MAX: variants seen among roughly 807,000 people sequenced by gnomAD.
MAX encodes the protein protein max.
In MAX, 3 loss-of-function variants were observed where a neutral mutation model predicts 22.3. The ratio of observed to expected loss-of-function variants is 0.13; its 90% CI spans 0.06 to 0.35. The LOEUF (loss-of-function observed/expected upper bound fraction) is 0.35. MAX is among the 10% of genes least tolerant of loss of function. The pLI, the probability that MAX is intolerant of heterozygous loss-of-function variation, is 1.00. For synonymous variants in MAX, 72 were observed against 77.7 expected, an observed-to-expected ratio of 0.93 and a Z score of 0.39; for missense variants, 119 against 209.4, an observed-to-expected ratio of 0.57 and a Z score of 2.66.
chr14:65,101,990 C>A (rs953340665), intron 1 of MAX, among the ~76,000 whole-genome samples: 1 of 152,178 alleles, frequency 6.6e-6, no homozygotes, highest in South Asian at 2.1e-4. Context: ...GGATCCCGGG[C>A]GCCCCCCATC....
chr14:65,066,455 C>A (rs2062931166), intron 3 of MAX, among the ~76,000 whole-genome samples: 1 of 152,220 alleles, frequency 6.6e-6, no homozygotes, highest in Non-Finnish European at 1.5e-5. Context: ...AAGAACAAAA[C>A]CAGGCAGGGC....
rs182233031 is a variant in MAX, at chr14:65,031,955, T to C, written c.172-25671A>G. On this transcript the variant is annotated intron_variant, in intron 3 of 3. Coordinates refer to the MAX transcript ENST00000341653. This position sits in a 1 kb window ranked among gnomAD's most constrained non-coding sequence, Gnocchi z 4.6. ...CAAAACAAAAGCAAAACAAAAAATA[T>C]AGACGTGCGCCTTTTTCATTTAACG... 1.6e-4 allele frequency among the ~76,000 whole-genome samples: 24 copies of C among 150,748 alleles called. No homozygotes were observed. The highest frequency in any genetic ancestry group is 1.5e-3 in the Admixed American group (23 of 15,116).
At chr14:65,006,188 A>G (rs2139486562) in exon 4 of MAX, 2 of 1,572,500 alleles carry the variant, frequency 1.3e-6, no homozygotes, top group Non-Finnish European at 1.7e-6. Context: ...CCATTTCCTT[A>G]AGAAACTTTT....
At chr14:65,098,200 T>G (rs1307407452) in intron 2 of MAX, among the ~76,000 whole-genome samples, 1 of 152,224 alleles carries the variant, frequency 6.6e-6, no homozygotes, top group Admixed American at 6.5e-5. Flanking sequence ...TTGTTATCAC[T>G]GTAAGCATCA....
At chr14:65,071,972 T>C (rs889091657), downstream of MAX, among the ~76,000 whole-genome samples, 1 of 152,252 alleles carries the variant, frequency 6.6e-6, no homozygotes, top group Non-Finnish European at 1.5e-5. The surrounding 1 kb of genome is among the most constrained non-coding windows in gnomAD (Gnocchi z 4.2). Flanking sequence ...TTTGGGGATG[T>C]ATGAGTTAGC....
rs1428257668 is a variant in MAX, at chr14:65,027,799, C to G, written c.172-21515G>C. On this transcript the variant is annotated intron_variant, in intron 3 of 3. Coordinates refer to the MAX transcript ENST00000341653. The surrounding 1 kb of genome is among the most constrained non-coding windows in gnomAD (Gnocchi z 5.7). ...GATGTGAGGTGAGTGGGGTTTTGCA[C>G]AGGCTGCCACATCAGTTGACTCTAG... 6.2e-7 allele frequency: 1 copy of G among 1,613,904 alleles called. No individual in the cohort carries two copies. The highest frequency in any genetic ancestry group is 2.2e-5 in the East Asian group (1 of 44,868).
rs536235832 is a variant in MAX, at chr14:65,102,433, C to G, written c.-94G>C. The G allele has an allele frequency of 6.4e-4, 1,001 of 1,556,186 alleles. 4 individuals are homozygous for G. The African/African-American group carries it at 0.012, about 19-fold the overall frequency. Reference sequence around the variant, plus strand: ...GTCACCGACAACAACAAGCCGAGTCCCCCCCACACACACACTCACTCACTC... The same window carrying G: ...GTCACCGACAACAACAAGCCGAGTCGCCCCCACACACACACTCACTCACTC... On this transcript the variant is annotated 5_prime_UTR_variant, in exon 1 of 5. Coordinates refer to ENST00000358664, the MANE Select transcript of MAX (RefSeq NM_002382.5).
At chr14:65,049,033 A>C (rs2062549783) in intron 3 of MAX, among the ~76,000 whole-genome samples, 1 of 152,054 alleles carries the variant, frequency 6.6e-6, no homozygotes, top group Non-Finnish European at 1.5e-5. Flanking sequence ...AGGCTGAGGC[A>C]GGAGAATCCC....
At chr14:65,068,049 C>T (rs543181161) in intron 3 of MAX, among the ~76,000 whole-genome samples, 41 of 152,248 alleles carry the variant, frequency 2.7e-4, no homozygotes, top group Non-Finnish European at 4.6e-4. Flanking sequence ...TACCCTTCAT[C>T]GCCTGGCTGA....
At chr14:65,070,668 C>T (rs142623047), downstream of MAX, among the ~76,000 whole-genome samples, 60 of 152,336 alleles carry the variant, frequency 3.9e-4, no homozygotes, top group Middle Eastern at 3.4e-3. This position sits in a 1 kb window ranked among gnomAD's most constrained non-coding sequence, Gnocchi z 4.4. Flanking sequence ...CTAGAGCATG[C>T]GGGCCCCTCG....
At position 65,044,566 on chromosome 14, in the gene MAX, T is replaced by G; in HGVS notation, c.172-38282A>C. 7.1e-7 allele frequency: 1 copy of G among 1,413,148 alleles called. No individual in the cohort carries two copies. Among genetic ancestry groups the G allele is most frequent in the Non-Finnish European group, 9.4e-7 (1 of 1,067,242 alleles). The allele number at this position is 1,413,148 out of a possible 1,614,324, so 87.5% of individuals were successfully genotyped here. On this transcript the variant is annotated intron_variant, in intron 3 of 3. Coordinates refer to the MAX transcript ENST00000341653. This position sits in a 1 kb window ranked among gnomAD's most constrained non-coding sequence, Gnocchi z 5.5. ...AGCTCTGTCTATCCTGGATTTTGAG[T>G]GCCCAGTGTGGAACCTCATGCCGTG...
In MAX at chr14:65,027,344, C is replaced by T; in HGVS notation, c.172-21060G>A. The T allele has an allele frequency of 6.6e-7, 1 of 1,524,526 alleles. No individual in the cohort carries two copies. The highest frequency in any genetic ancestry group is 8.9e-7 in the Non-Finnish European group (1 of 1,129,714). The allele number at this position is 1,524,526 out of a possible 1,614,324, so 94.4% of individuals were successfully genotyped here. The stretch of plus-strand genomic sequence containing the variant: ...AAGTGGGAGGAGAGGTTCCCCTCAA[C>T]TTTTGAGGGAGTGGGGGATCATTGG... On this transcript the variant is annotated intron_variant, in intron 3 of 3. Coordinates refer to the MAX transcript ENST00000341653. This position sits in a 1 kb window ranked among gnomAD's most constrained non-coding sequence, Gnocchi z 5.7.
intron 3 of MAX, among the ~76,000 whole-genome samples, chr14:65,067,334 TAATG>T (rs769930074): frequency 2.0e-5 from 3 of 152,226 alleles, no homozygotes; most frequent in Non-Finnish European, 4.4e-5. Context: ...GCATTTGCCA[TAATG>T]AATGAACCAA....
In MAX at chr14:65,009,228, A is replaced by T. The variant is rs544372387; in HGVS notation, c.172-2944T>A. ...AGATGGGGTGCATTAAACCACAGAG[A>T]TTTATTTTTTCACATTTCTGGAGGC... On this transcript the variant is annotated intron_variant, in intron 3 of 3. Transcript: ENST00000341653. This position sits in a 1 kb window ranked among gnomAD's most constrained non-coding sequence, Gnocchi z 4.2. Among the ~76,000 whole-genome samples, 2 of 152,170 alleles carry T rather than the reference A, an allele frequency of 1.3e-5. No homozygotes were observed. The highest frequency in any genetic ancestry group is 4.1e-4 in the South Asian group (2 of 4,820).
In MAX at chr14:65,069,420, C is replaced by T. The variant is rs929584360; in HGVS notation, c.171+24288G>A. Among the ~76,000 whole-genome samples, 1 of 152,238 alleles carries T rather than the reference C, an allele frequency of 6.6e-6. No individual in the cohort carries two copies. Among genetic ancestry groups the T allele is most frequent in the Non-Finnish European group, 1.5e-5 (1 of 68,042 alleles). On this transcript the variant is annotated intron_variant, in intron 3 of 3. Transcript: ENST00000341653. The surrounding 1 kb of genome is among the most constrained non-coding windows in gnomAD (Gnocchi z 4.6). ...GGGCCCATCTCCTGAACTCCTCTGG[C>T]ATTCAGAGCCCAGACGTGCATTTGT...
At chr14:65,060,956 G>A (rs181098797) in intron 3 of MAX, among the ~76,000 whole-genome samples, 3 of 150,106 alleles carry the variant, frequency 2.0e-5, no homozygotes, top group Admixed American at 1.3e-4. Context: ...GTATTTGCCT[G>A]TATCGTTAAA....
Position 65,085,685 on chromosome 14 carries a change from G to A in MAX, c.172-7649C>T, listed in dbSNP as rs1214811140. On this transcript the variant is annotated intron_variant, in intron 3 of 4. Transcript: ENST00000358664. ...GAGTTCTAAGGGAGGGGCAGTATTT[G>A]ATATTGGCCTCTAAGGCAAGGAGCT... Among the ~76,000 whole-genome samples the A allele has an allele frequency of 4.6e-5, 7 of 152,262 alleles. No homozygotes were observed. The East Asian group carries it at 1.3e-3, about 29-fold the overall frequency.
rs765226463 is a variant in MAX at position 65,027,800 on chromosome 14, A to T, written c.172-21516T>A. On this transcript the variant is annotated intron_variant, in intron 3 of 3. Transcript: ENST00000341653. This position sits in a 1 kb window ranked among gnomAD's most constrained non-coding sequence, Gnocchi z 5.7. ...ATGTGAGGTGAGTGGGGTTTTGCACAGGCTGCCACATCAGTTGACTCTAGA... is the reference window on the plus strand; with the variant it reads ...ATGTGAGGTGAGTGGGGTTTTGCACTGGCTGCCACATCAGTTGACTCTAGA... The T allele has an allele frequency of 6.2e-7, 1 of 1,613,938 alleles. No individual in the cohort carries two copies. Among genetic ancestry groups the T allele is most frequent in the South Asian group, 1.1e-5 (1 of 91,048 alleles).
chr14:65,080,665 A>G (rs1219084833), intron 3 of MAX, among the ~76,000 whole-genome samples: 1 of 152,210 alleles, frequency 6.6e-6, no homozygotes, highest in Non-Finnish European at 1.5e-5. Context: ...TACCCTTTCC[A>G]TCACTGATGT....
Sources: allele counts gnomAD v4.1 joint callset (sites outside exome capture counted in the v4.1 genomes callset), GRCh38; gene constraint gnomAD v4.1.1; non-coding constraint Gnocchi (gnomAD v3.1); transcripts MANE v1.5; gene names NCBI Gene and HGNC (gene_info 2026-07-23, HGNC 2026-07-21).